The following NSMAF variants were observed in gnomAD, a reference collection of about 807,000 sequenced individuals.
NSMAF encodes protein FAN.
NSMAF carries 90 observed loss-of-function variants against 134.9 expected under a neutral mutation model. The ratio of observed to expected loss-of-function variants is 0.67; its 90% confidence interval spans 0.56 to 0.79. The LOEUF (loss-of-function observed/expected upper bound fraction) is 0.79, where lower values mean the gene tolerates loss of function less well. Ranked by LOEUF, NSMAF falls within the 30% of genes least tolerant of loss-of-function variation. The probability of loss-of-function intolerance (pLI) is 0.00; values close to 1 mark genes in which losing one functional copy is unlikely to be tolerated. For missense variants in NSMAF, 1,010 were observed against 1,119.0 expected (o/e 0.90, Z 1.39); for synonymous variants, 358 against 389.6 (o/e 0.92, Z 0.96).
chr8:58,632,371 A>T (rs1342412535), intron 5 of NSMAF, among the ~76,000 whole-genome samples: 1 of 152,086 alleles, frequency 6.6e-6, no homozygotes, highest in Non-Finnish European at 1.5e-5. Context: ...TATTATTGAA[A>T]TCACTTTTAG....
chr8:58,626,091 C>CGTTTTTTTTTTTTTTTTTTTTTTTTTTT (rs1563537415), intron 6 of NSMAF, among the ~76,000 whole-genome samples: 1 of 99,370 alleles, frequency 1.0e-5, no homozygotes, highest in Non-Finnish European at 1.9e-5. Flanking sequence ...TTATATAATT[C>CGTTTTTTTTTTTTTTTTTTTTTTTTTTT]TTTTTTTTTT....
chr8:58,656,163 C>T (rs902149684), intron 1 of NSMAF, among the ~76,000 whole-genome samples: 10 of 151,722 alleles, frequency 6.6e-5, no homozygotes, highest in Admixed American at 2.6e-4. Flanking sequence ...GGACCACAGG[C>T]GCACGCCACC....
chr8:58,601,926 G>T, intron 14 of NSMAF, 132 bp downstream of exon 14: 1 of 682,210 alleles, frequency 1.5e-6, no homozygotes. Context: ...CAGGAGAAAA[G>T]TAAGAAAAAA....
intron 30 of NSMAF, 103 bp from the exon 31 acceptor site, chr8:58,584,303 CA>C: frequency 1.3e-6 from 1 of 788,400 alleles, no homozygotes; most frequent in Admixed American, 2.3e-5. Flanking sequence ...ATTTACTAAA[CA>C]AGTGAAGTAA....
At position 58,613,714 on chromosome 8, in the gene NSMAF, C is replaced by T. The variant is rs542553386; in HGVS notation, c.558-3981G>A. Among the ~76,000 whole-genome samples, 80 of 152,232 alleles carry T rather than the reference C, an allele frequency of 5.3e-4. No individual in the cohort carries two copies. In the South Asian group the frequency reaches 0.015, roughly 28 times the overall value. On this transcript the variant is annotated intron_variant, in intron 9 of 30. Coordinates refer to ENST00000038176, the MANE Select transcript of NSMAF (RefSeq NM_003580.4). Reference sequence around the variant, plus strand: ...TTTTCTATAAGTAGATACATAAATACTATTATATTATAATTGCCTATAGCA... The same window carrying T: ...TTTTCTATAAGTAGATACATAAATATTATTATATTATAATTGCCTATAGCA...
intron 9 of NSMAF, among the ~76,000 whole-genome samples, chr8:58,617,453 C>G (rs1488543033): frequency 2.0e-5 from 3 of 152,084 alleles, no homozygotes; most frequent in African/African-American, 7.2e-5. Flanking sequence ...AGAACTCAAA[C>G]AAATTTACAA....
rs986195663 is a variant in NSMAF, at chr8:58,643,779, C to T, written c.60-706G>A. On this transcript the variant is annotated intron_variant, in intron 1 of 30. Transcript: ENST00000038176. ...CTCCCAACCTCACGTAATCCACCCA[C>T]CTCGGCCTCCCAAAGTGCTGGGATT... Among the ~76,000 whole-genome samples the T allele has an allele frequency of 9.3e-4, 142 of 152,180 alleles. 2 individuals carry two copies. The highest frequency in any genetic ancestry group is 2.6e-4 in the Admixed American group (4 of 15,282).
Position 58,586,445 on chromosome 8 carries a change from G to A in NSMAF, c.2446+13C>T. On this transcript the variant is annotated intron_variant, in intron 28 of 30. Coordinates refer to ENST00000038176, the MANE Select transcript of NSMAF (RefSeq NM_003580.4). ...TACCTAGTATTATCTGTTTTAAAAA[G>A]GATAATATCTACCTGGGCTAAAAGC... 6.2e-7 allele frequency: 1 copy of A among 1,608,566 alleles called. No individual in the cohort carries two copies. Among genetic ancestry groups the A allele is most frequent in the Non-Finnish European group, 8.5e-7 (1 of 1,175,716 alleles).
At chr8:58,652,445 A>T (rs1005258272) in intron 1 of NSMAF, among the ~76,000 whole-genome samples, 1 of 152,234 alleles carries the variant, frequency 6.6e-6, no homozygotes, top group African/African-American at 2.4e-5. Context: ...AAACTCTGCC[A>T]CATTATACAG....
chr8:58,601,353 A>AG lies in NSMAF; in HGVS notation c.1217-6dup. 1 of 1,613,876 alleles carries AG rather than the reference A, an allele frequency of 6.2e-7. No homozygotes were observed. Among genetic ancestry groups the AG allele is most frequent in the South Asian group, 1.1e-5 (1 of 91,084 alleles). On this transcript the variant is annotated splice_polypyrimidine_tract_variant and splice_region_variant and intron_variant, in intron 15 of 30. Transcript: ENST00000038176. ...GGCACAGCATATACTCTGGTGCTAGAGGGGAAAAAGTCAGAGGTAAGTCAG... is the reference window on the plus strand; with the variant it reads ...GGCACAGCATATACTCTGGTGCTAGAGGGGGAAAAAGTCAGAGGTAAGTCAG...
At chr8:58,657,181 C>G (rs1481754196) in intron 1 of NSMAF, among the ~76,000 whole-genome samples, 1 of 152,192 alleles carries the variant, frequency 6.6e-6, no homozygotes, top group Non-Finnish European at 1.5e-5. Flanking sequence ...GCAAGAATCT[C>G]CTAGTCAGTC....
Position 58,621,412 on chromosome 8 carries a change from TA to T in NSMAF, c.557+1807del, listed in dbSNP as rs1404455773. Among the ~76,000 whole-genome samples the T allele has an allele frequency of 1.4e-3, 209 of 152,366 alleles. 1 individual carries two copies. The highest frequency in any genetic ancestry group is 4.9e-3 in the African/African-American group (205 of 41,592). On this transcript the variant is annotated intron_variant, in intron 9 of 30. Coordinates refer to ENST00000038176, the MANE Select transcript of NSMAF (RefSeq NM_003580.4). ...ATTAATATTTTGAATAGTGCTGTGA[TA>T]AGCCTACGTGTGCATGTATCTTTAT...
chr8:58,603,071 A>G, intron 13 of NSMAF, 139 bp downstream of exon 13: 1 of 806,994 alleles, frequency 1.2e-6, no homozygotes, highest in African/African-American at 1.7e-5. Context: ...GGCAGTCCTT[A>G]GCAATACAAC....
intron 6 of NSMAF, among the ~76,000 whole-genome samples, chr8:58,626,091 C>CTTTTTT (rs1225264071): frequency 2.0e-4 from 20 of 99,382 alleles, no homozygotes; most frequent in African/African-American, 2.8e-4. Flanking sequence ...TTATATAATT[C>CTTTTTT]TTTTTTTTTT....
At chr8:58,596,458 T>G (rs1806137409) in intron 21 of NSMAF, among the ~76,000 whole-genome samples, 1 of 152,208 alleles carries the variant, frequency 6.6e-6, no homozygotes, top group South Asian at 2.1e-4. Context: ...ATCTAAAACC[T>G]GGGTAACTGG....
chr8:58,597,632 A>G, intron 20 of NSMAF, 82 bp from the exon 21 acceptor site: 1 of 1,316,662 alleles, frequency 7.6e-7, no homozygotes, highest in East Asian at 2.3e-5. Context: ...GTACTGATCA[A>G]TAGGAGGGAC....
At chr8:58,586,242 T>C (rs879699932) in intron 28 of NSMAF, 1 of 620,574 alleles carries the variant, frequency 1.6e-6, no homozygotes, top group Non-Finnish European at 2.8e-6. Context: ...TAATGAGGAA[T>C]TAAAAATACC....
At chr8:58,638,467 T>C (rs1807254030) in intron 2 of NSMAF, among the ~76,000 whole-genome samples, 1 of 152,044 alleles carries the variant, frequency 6.6e-6, no homozygotes, top group South Asian at 2.1e-4. Flanking sequence ...TGGAACACAA[T>C]ACATCCACAT....
chr8:58,601,645 T>G, intron 14 of NSMAF, 110 bp from the exon 15 acceptor site: 1 of 1,358,998 alleles, frequency 7.4e-7, no homozygotes. Flanking sequence ...CCATATTCCT[T>G]AATTTCTCTG....
Sources: gnomAD v4.1 joint callset for allele counts (sites outside exome capture counted in the v4.1 genomes callset) on GRCh38, gnomAD v4.1.1 for gene constraint, MANE v1.5 for transcripts, NCBI Gene and HGNC (gene_info 2026-07-23, HGNC 2026-07-21) for gene names.